Variants in MANEA observed in about 807,000 individuals in gnomAD.
MANEA encodes the protein glycoprotein endo-alpha-1,2-mannosidase.
A neutral mutation model predicts 36.8 loss-of-function variants in MANEA; 25 were observed. The observed-to-expected ratio is 0.68, with a 90% CI of 0.50 to 0.95. MANEA has a LOEUF of 0.95. Ranked by LOEUF, MANEA falls within the 40% of genes least tolerant of loss-of-function variation. MANEA has a pLI of 0.00. For synonymous variants in MANEA, 198 were observed against 188.5 expected, an observed-to-expected ratio of 1.05 and a Z score of -0.41; for missense variants, 565 against 558.8, an observed-to-expected ratio of 1.01 and a Z score of -0.11.
chr6:95,592,275 T>C (rs1403868516), intron 2 of MANEA, among the ~76,000 whole-genome samples: 2 of 152,244 alleles, frequency 1.3e-5, no homozygotes, highest in African/African-American at 2.4e-5. Context: ...TTTGTTCTTA[T>C]AGTTCCCATA....
At chr6:95,590,849 G>A (rs73548683) in intron 2 of MANEA, among the ~76,000 whole-genome samples, 1,535 of 152,098 alleles carry the variant, frequency 0.01, 28 homozygotes, top group African/African-American at 0.036. Flanking sequence ...TGCTATTGTC[G>A]TAATTCTGTC....
Position 95,586,395 on chromosome 6 carries a change from A to G in MANEA, c.-38-7A>G. The G allele has an allele frequency of 6.8e-7, 1 of 1,465,866 alleles. No homozygotes were observed. Among genetic ancestry groups the G allele is most frequent in the Non-Finnish European group, 9.3e-7 (1 of 1,076,696 alleles). The allele number at this position is 1,465,866 out of a possible 1,614,324, so 90.8% of individuals were successfully genotyped here. ...CTTACTAATTATCTTTTTTCAATAA[A>G]TTGCAGCAAAACACTTACTATTTTG... On this transcript the variant is annotated splice_polypyrimidine_tract_variant and splice_region_variant and intron_variant, in intron 1 of 4. Coordinates refer to ENST00000358812, the MANE Select transcript of MANEA (RefSeq NM_024641.4).
chr6:95,582,003 ATAT>A (rs1769191866), intron 1 of MANEA, among the ~76,000 whole-genome samples: 1 of 151,904 alleles, frequency 6.6e-6, no homozygotes, highest in Non-Finnish European at 1.5e-5. Flanking sequence ...TACAGATATG[ATAT>A]TATATATCAT....
At chr6:95,601,652 C>T (rs145225555) in intron 3 of MANEA, among the ~76,000 whole-genome samples, 86 of 144,342 alleles carry the variant, frequency 6.0e-4, no homozygotes, top group Middle Eastern at 3.8e-3. Flanking sequence ...ATGGCATTAT[C>T]TAATCAAAAC....
chr6:95,594,293 A>C (rs1238444281), intron 2 of MANEA, among the ~76,000 whole-genome samples: 4 of 152,202 alleles, frequency 2.6e-5, no homozygotes, highest in African/African-American at 4.8e-5. Context: ...CCACAGAAGC[A>C]AGAAGTTAAC....
intron 1 of MANEA, among the ~76,000 whole-genome samples, chr6:95,584,233 G>A (rs1769237190): frequency 1.3e-5 from 2 of 152,070 alleles, no homozygotes; most frequent in Non-Finnish European, 1.5e-5. Context: ...TTAAGACAGC[G>A]ATAAAGTCTG....
At chr6:95,603,784 T>C (rs1339060149) in intron 3 of MANEA, among the ~76,000 whole-genome samples, 1 of 152,024 alleles carries the variant, frequency 6.6e-6, no homozygotes, top group Non-Finnish European at 1.5e-5. Flanking sequence ...TCAGTAAAAC[T>C]AGGAATAAAA....
chr6:95,584,148 A>C (rs1260749400), intron 1 of MANEA, among the ~76,000 whole-genome samples: 1 of 152,202 alleles, frequency 6.6e-6, no homozygotes, highest in Non-Finnish European at 1.5e-5. Flanking sequence ...TTAACTGTAC[A>C]AATTGATTGT....
intron 2 of MANEA, chr6:95,589,904 T>C (rs999978446): frequency 2.2e-4 from 34 of 152,156 alleles, no homozygotes; most frequent in Non-Finnish European, 3.4e-4. Flanking sequence ...TGGGTACAGC[T>C]AATCTAGTCA....
rs1362043216 is a variant in MANEA at position 95,609,176 on chromosome 6, CTT to C, written c.*2772_*2773del. 2 of 151,736 alleles carry C rather than the reference CTT, an allele frequency of 1.3e-5. No individual in the cohort carries two copies. The highest frequency in any genetic ancestry group is 3.9e-4 in the East Asian group (2 of 5,176). The allele number at this position is 151,736 out of a possible 1,614,324, so 9.4% of individuals were successfully genotyped here. ...TACGTTTGAATTCAATATGGTATAA[CTT>C]AAAGTGGTATAATACATACAATGCA... On this transcript the variant is annotated 3_prime_UTR_variant, in exon 5 of 5. Coordinates refer to ENST00000358812, the MANE Select transcript of MANEA (RefSeq NM_024641.4).
intron 1 of MANEA, among the ~76,000 whole-genome samples, chr6:95,584,157 G>A (rs1769235360): frequency 1.3e-5 from 2 of 152,118 alleles, no homozygotes; most frequent in South Asian, 4.1e-4. Flanking sequence ...CAAATTGATT[G>A]TAAAACGTGT....
At position 95,609,110 on chromosome 6, in the gene MANEA, A is replaced by G. The variant is rs1769772624; in HGVS notation, c.*2705A>G. The G allele has an allele frequency of 2.0e-5, 3 of 151,842 alleles. No homozygotes were observed. Among genetic ancestry groups the G allele is most frequent in the South Asian group, 2.1e-4 (1 of 4,836 alleles). 9.4% of individuals were successfully genotyped at this position (151,842 alleles called of 1,614,324 possible). A position where few individuals can be genotyped will look rare whatever the true frequency, so the allele number is the denominator to read the frequency against. On this transcript the variant is annotated 3_prime_UTR_variant, in exon 5 of 5. Transcript: ENST00000358812. Reference sequence around the variant, plus strand: ...CACAGTTTAAATTGTTATGATAACAAGTAAATAAGAGCAAAGAATGTATTT... The same window carrying G: ...CACAGTTTAAATTGTTATGATAACAGGTAAATAAGAGCAAAGAATGTATTT...
chr6:95,605,630 A>G, intron 4 of MANEA, 118 bp from the exon 5 acceptor site: 1 of 670,890 alleles, frequency 1.5e-6, no homozygotes, highest in East Asian at 2.6e-5. Flanking sequence ...TGATTCCCCT[A>G]AGAAATGGAG....
At chr6:95,603,026 CAAAAAA>C (rs67486139) in intron 3 of MANEA, among the ~76,000 whole-genome samples, 4 of 63,400 alleles carry the variant, frequency 6.3e-5, no homozygotes, top group South Asian at 1.1e-3. Context: ...GACTCCGTCT[CAAAAAA>C]AAAAAAAAAA....
At chr6:95,592,740 C>T (rs958315116) in intron 2 of MANEA, among the ~76,000 whole-genome samples, 4 of 152,082 alleles carry the variant, frequency 2.6e-5, no homozygotes, top group Admixed American at 2.0e-4. Context: ...GATGCATTCT[C>T]TCATTTGTGC....
In MANEA at chr6:95,609,192, AC is replaced by A. The variant is rs1172822455; in HGVS notation, c.*2788del. 6.6e-6 allele frequency: 1 copy of A among 150,998 alleles called. No homozygotes were observed. 9.4% of individuals were successfully genotyped at this position (150,998 alleles called of 1,614,324 possible). A position where few individuals can be genotyped will look rare whatever the true frequency, so the allele number is the denominator to read the frequency against. ...ATGGTATAACTTAAAGTGGTATAAT[AC>A]ATACAATGCATGAATCATAATGGAT... On this transcript the variant is annotated 3_prime_UTR_variant, in exon 5 of 5. Transcript: ENST00000358812.
chr6:95,604,061 G>GGGGTGTGT (rs369467389), intron 3 of MANEA, among the ~76,000 whole-genome samples: 103 of 138,388 alleles, frequency 7.4e-4, no homozygotes, highest in Non-Finnish European at 1.1e-3. Context: ...TATGTATGTA[G>GGGGTGTGT]GTGTGTGTGT....
In MANEA at chr6:95,606,174, G is replaced by A. The variant is rs778484150; in HGVS notation, c.1158G>A (p.Leu386=). The change falls in exon 5 of 5, where the codon CTG becomes CTA. Residue 386 remains leucine, a synonymous_variant. Coordinates refer to ENST00000358812, the MANE Select transcript of MANEA (RefSeq NM_024641.4). Reference sequence around the variant, plus strand: ...ATGGGAAGTATTATGAAATTGGTCTGAGTGCCGCACTTCAGACACGCCCCA... The same window carrying A: ...ATGGGAAGTATTATGAAATTGGTCTAAGTGCCGCACTTCAGACACGCCCCA... ...RINGKYYEIG[L]SAALQTRPSL... is the part of the protein sequence containing the mutation. 6.2e-7 allele frequency: 1 copy of A among 1,613,930 alleles called. No individual in the cohort carries two copies. Among genetic ancestry groups the A allele is most frequent in the Admixed American group, 1.7e-5 (1 of 59,994 alleles).
At chr6:95,596,647 T>C in intron 2 of MANEA, 90 bp from the exon 3 acceptor site, 1 of 681,062 alleles carries the variant, frequency 1.5e-6, no homozygotes, top group Non-Finnish European at 2.6e-6. Flanking sequence ...GTTCTTCTAT[T>C]GTTAACTCTT....
Sources: gnomAD v4.1 joint callset for allele counts (sites outside exome capture counted in the v4.1 genomes callset) on GRCh38, gnomAD v4.1.1 for gene constraint, MANE v1.5 for transcripts, NCBI Gene and HGNC (gene_info 2026-07-23, HGNC 2026-07-21) for gene names.